The following CNTN4 variants were observed in gnomAD, a reference collection of about 807,000 sequenced individuals.
The protein encoded by CNTN4 is contactin 4, also known as contactin-4.
CNTN4 carries 77 observed loss-of-function variants against 122.5 expected under a neutral mutation model. The observed-to-expected ratio is 0.63, with a 90% CI of 0.52 to 0.76. The LOEUF (loss-of-function observed/expected upper bound fraction) is 0.76. CNTN4 is among the 30% of genes least tolerant of loss of function. The pLI, the probability that CNTN4 is intolerant of heterozygous loss-of-function variation, is 0.00. For synonymous variants in CNTN4, 512 were observed against 447.0 expected (o/e 1.15, Z -1.83); for missense variants, 1,256 against 1,259.1 (o/e 1.00, Z 0.04).
At chr3:2,549,936 ATGT>A (rs2078416781) in intron 3 of CNTN4, among the ~76,000 whole-genome samples, 2 of 152,090 alleles carry the variant, frequency 1.3e-5, no homozygotes, top group African/African-American at 4.8e-5. Flanking sequence ...GGGAGGGTGT[ATGT>A]ATCCAGCAAT....
At chr3:2,138,066 C>CT (rs374358543) in intron 2 of CNTN4, among the ~76,000 whole-genome samples, 3,883 of 135,964 alleles carry the variant, frequency 0.029, 131 homozygotes, top group African/African-American at 0.08. Context: ...TCTTCTTCTT[C>CT]TTTTTTTTTT....
chr3:2,546,465 G>C (rs991597413), intron 3 of CNTN4, among the ~76,000 whole-genome samples: 1 of 152,058 alleles, frequency 6.6e-6, no homozygotes, highest in African/African-American at 2.4e-5. Context: ...TGGACACAAA[G>C]AGGGGAAGAA....
At chr3:2,961,231 C>CAAAAAAAAAA (rs59790353) in intron 13 of CNTN4, among the ~76,000 whole-genome samples, 7 of 37,250 alleles carry the variant, frequency 1.9e-4, no homozygotes, top group East Asian at 1.6e-3. Flanking sequence ...CTCCATCTCA[C>CAAAAAAAAAA]AAAAAAAAAA....
At chr3:2,239,183 A>G (rs532295613) in intron 2 of CNTN4, 1 of 152,102 alleles carries the variant, frequency 6.6e-6, no homozygotes, top group South Asian at 2.1e-4. Context: ...TCTTTTAGCA[A>G]TTTATATTTT....
intron 3 of CNTN4, among the ~76,000 whole-genome samples, chr3:2,481,322 G>A (rs2075999132): frequency 1.3e-5 from 2 of 151,836 alleles, no homozygotes; most frequent in South Asian, 4.1e-4. Flanking sequence ...TGTATTTTTA[G>A]TAGAGATGTG....
intron 4 of CNTN4, among the ~76,000 whole-genome samples, chr3:2,664,305 T>G (rs2084042899): frequency 6.8e-6 from 1 of 146,050 alleles, no homozygotes; most frequent in African/African-American, 2.4e-5. Context: ...AAACCAATCC[T>G]GTGATTTTCT....
Position 3,043,320 on chromosome 3 carries a change from C to T in CNTN4, c.2698+157C>T, listed in dbSNP as rs163562. On this transcript the variant is annotated intron_variant, in intron 22 of 24. Transcript: ENST00000418658. Reference sequence around the variant, plus strand: ...TTTAACTGAACCTTTCCGTATACCACGCAAAATTCATTGCTGTGGAGGACA... The same window carrying T: ...TTTAACTGAACCTTTCCGTATACCATGCAAAATTCATTGCTGTGGAGGACA... 0.2 allele frequency among the ~76,000 whole-genome samples: 31,073 copies of T among 152,142 alleles called. 4,355 individuals are homozygous for T. The highest frequency in any genetic ancestry group is 0.4 in the African/African-American group (16,582 of 41,456).
chr3:2,903,475 C>G (rs1448633389), intron 12 of CNTN4, among the ~76,000 whole-genome samples: 1 of 152,056 alleles, frequency 6.6e-6, no homozygotes, highest in Non-Finnish European at 1.5e-5. Context: ...TGTGCCACTT[C>G]CTCCCTCCTC....
intron 4 of CNTN4, 154 bp from the exon 5 acceptor site, chr3:2,736,061 G>A (rs1248747858): frequency 1.4e-5 from 11 of 804,902 alleles, no homozygotes; most frequent in Non-Finnish European, 2.4e-5. Context: ...AACCTTCAAT[G>A]GGAAATTTTC....
chr3:2,851,003 C>A (rs2093540564), intron 7 of CNTN4, among the ~76,000 whole-genome samples: 1 of 152,162 alleles, frequency 6.6e-6, no homozygotes, highest in African/African-American at 2.4e-5. Context: ...TATTGAACAT[C>A]TGTCAAACAG....
intron 12 of CNTN4, among the ~76,000 whole-genome samples, chr3:2,909,933 C>A (rs2094281504): frequency 6.6e-6 from 1 of 152,140 alleles, no homozygotes; most frequent in South Asian, 2.1e-4. Flanking sequence ...ACACAGAGGG[C>A]TTTTGTTGTT....
At chr3:2,131,104 A>G (rs768613135) in intron 2 of CNTN4, among the ~76,000 whole-genome samples, 1 of 152,186 alleles carries the variant, frequency 6.6e-6, no homozygotes, top group South Asian at 2.1e-4. Context: ...TACTTGTATT[A>G]TCTCATTTAA....
At chr3:2,345,730 A>G (rs2150397106) in intron 3 of CNTN4, among the ~76,000 whole-genome samples, 1 of 152,342 alleles carries the variant, frequency 6.6e-6, no homozygotes, top group East Asian at 1.9e-4. Flanking sequence ...GGAAAGGAAG[A>G]GAATATTATG....
chr3:2,457,545 A>G (rs2049046327), intron 3 of CNTN4, among the ~76,000 whole-genome samples: 1 of 152,094 alleles, frequency 6.6e-6, no homozygotes, highest in Admixed American at 6.6e-5. Flanking sequence ...ATATTCCCAA[A>G]TGCTTGTTCC....
intron 3 of CNTN4, among the ~76,000 whole-genome samples, chr3:2,480,453 C>G (rs2075959741): frequency 1.3e-5 from 2 of 152,152 alleles, no homozygotes. Flanking sequence ...CAGTAAATGA[C>G]TGACTTTCCT....
intron 7 of CNTN4, among the ~76,000 whole-genome samples, chr3:2,830,296 CA>C (rs1051154342): frequency 5.9e-5 from 9 of 151,852 alleles, no homozygotes; most frequent in Non-Finnish European, 1.2e-4. Flanking sequence ...TTTAAACATC[CA>C]AAAAAAATTA....
chr3:2,872,281 A>T (rs113116930), intron 8 of CNTN4, among the ~76,000 whole-genome samples: 114 of 152,330 alleles, frequency 7.5e-4, no homozygotes, highest in African/African-American at 2.6e-3. Flanking sequence ...GCTTAAGATG[A>T]AAAGAATTAG....
chr3:2,795,555 C>G (rs1398696348), intron 6 of CNTN4, among the ~76,000 whole-genome samples: 1 of 145,114 alleles, frequency 6.9e-6, no homozygotes, highest in Non-Finnish European at 1.5e-5. Context: ...GAGTCTCGCT[C>G]TGTCGCCCAG....
chr3:2,249,477 G>A (rs887911884), intron 2 of CNTN4, among the ~76,000 whole-genome samples: 3 of 151,940 alleles, frequency 2.0e-5, no homozygotes, highest in Non-Finnish European at 2.9e-5. Context: ...TGAGCAGCTA[G>A]AAAGTTCAAG....
Sources: allele counts gnomAD v4.1 joint callset (sites outside exome capture counted in the v4.1 genomes callset), GRCh38; gene constraint gnomAD v4.1.1; transcripts MANE v1.5; gene names NCBI Gene and HGNC (gene_info 2026-07-23, HGNC 2026-07-21).